KCNT2: variants seen among roughly 807,000 people sequenced by gnomAD.
The protein encoded by KCNT2 is potassium channel subfamily T member 2.
In KCNT2, 67 loss-of-function variants were observed where a neutral mutation model predicts 153.8. That is an observed-to-expected ratio of 0.44 (90% CI 0.36 to 0.53). The LOEUF is 0.53. Ranked by LOEUF, KCNT2 falls within the 20% of genes least tolerant of loss-of-function variation. The pLI, the probability that KCNT2 is intolerant of heterozygous loss-of-function variation, is 0.00. For synonymous variants in KCNT2, 500 were observed against 458.8 expected (o/e 1.09, Z -1.15); for missense variants, 975 against 1,354.8 (o/e 0.72, Z 4.40).
rs563927106 is a variant in KCNT2 at position 196,562,716 on chromosome 1, T to A, written c.95+45499A>T. Among the ~76,000 whole-genome samples, 150 of 151,872 alleles carry A rather than the reference T, an allele frequency of 9.9e-4. 1 individual carries two copies. The highest frequency in any genetic ancestry group is 3.6e-3 in the African/African-American group (149 of 41,506). ...TCTGATTTCTTTCTTCTCTTTTTTT[T>A]TTTTCCTGAATTGCTAATTACTCCC... On this transcript the variant is annotated intron_variant, in intron 1 of 27. Coordinates refer to ENST00000294725, the MANE Select transcript of KCNT2 (RefSeq NM_198503.5).
Position 196,282,325 on chromosome 1 carries a change from G to A in KCNT2, c.2729C>T (p.Thr910Met), listed in dbSNP as rs778812768. The A allele has an allele frequency of 1.0e-5, 16 of 1,599,024 alleles. No homozygotes were observed. The highest frequency in any genetic ancestry group is 2.6e-6 in the Non-Finnish European group (3 of 1,167,142). The change falls in exon 24 of 28, where the codon ACG (threonine) becomes ATG (methionine). Residue 910 changes from threonine to methionine, a missense_variant. Physicochemically the swap from Thr to Met is moderately conservative, Grantham distance 81. Around this residue, in one of 6 missense-constraint regions of KCNT2, gnomAD observed 241 missense variants for 271.1 expected, o/e 0.89. Transcript: ENST00000294725. ...SFVKDYMISI[T>M]RLLLGLDTTP... ...AGTGTCCAGTCCCAACAGAAGTCTC[G>A]TGATAGAAATCATATAATCCTTCAC... is the stretch of plus-strand genomic sequence containing the variant.
chr1:196,238,961 T>C (rs973595120), intron 26 of KCNT2, among the ~76,000 whole-genome samples: 1 of 151,994 alleles, frequency 6.6e-6, no homozygotes, highest in Non-Finnish European at 1.5e-5. Context: ...TCATTCTCTA[T>C]GGTTGTTTTC....
intron 8 of KCNT2, among the ~76,000 whole-genome samples, chr1:196,447,456 G>T (rs1675787959): frequency 6.6e-6 from 1 of 151,606 alleles, no homozygotes; most frequent in Non-Finnish European, 1.5e-5. Flanking sequence ...AAAGAAAGCT[G>T]TGGTGAGGAA....
At chr1:196,475,673 T>C (rs1233020416) in intron 5 of KCNT2, among the ~76,000 whole-genome samples, 1 of 152,110 alleles carries the variant, frequency 6.6e-6, no homozygotes, top group Admixed American at 6.6e-5. Context: ...ACATGCTTTA[T>C]TTAGAGACCA....
intron 1 of KCNT2, among the ~76,000 whole-genome samples, chr1:196,566,992 A>T (rs986472370): frequency 6.6e-6 from 1 of 152,150 alleles, no homozygotes; most frequent in Admixed American, 6.5e-5. Flanking sequence ...TATAAACTCA[A>T]ATATGTACTA....
intron 5 of KCNT2, among the ~76,000 whole-genome samples, chr1:196,477,497 T>C (rs1364991796): frequency 6.6e-6 from 1 of 151,920 alleles, no homozygotes; most frequent in Non-Finnish European, 1.5e-5. Flanking sequence ...GTAGGGAGAA[T>C]TGCTTGAACC....
intron 25 of KCNT2, among the ~76,000 whole-genome samples, chr1:196,277,421 G>A (rs374325865): frequency 2.0e-5 from 3 of 152,202 alleles, no homozygotes; most frequent in East Asian, 1.9e-4. Context: ...AGTGTAAAGC[G>A]TACAGAATGT....
intron 13 of KCNT2, among the ~76,000 whole-genome samples, chr1:196,392,733 T>A (rs1670594992): frequency 6.6e-6 from 1 of 151,450 alleles, no homozygotes; most frequent in South Asian, 2.1e-4. Context: ...CTTCATTTTC[T>A]GGTCAAATCA....
chr1:196,284,898 G>T (rs1386127761), intron 23 of KCNT2, among the ~76,000 whole-genome samples: 3 of 152,136 alleles, frequency 2.0e-5, no homozygotes, highest in Admixed American at 2.0e-4. Flanking sequence ...TAAGCAAAAA[G>T]AATAGGTACA....
At chr1:196,461,225 C>T (rs1388339996) in intron 8 of KCNT2, among the ~76,000 whole-genome samples, 2 of 151,604 alleles carry the variant, frequency 1.3e-5, no homozygotes, top group South Asian at 2.1e-4. Flanking sequence ...AGGTTTTAAT[C>T]GATGCATAGG....
At chr1:196,368,680 C>T (rs1668244636) in intron 14 of KCNT2, among the ~76,000 whole-genome samples, 1 of 152,064 alleles carries the variant, frequency 6.6e-6, no homozygotes, top group African/African-American at 2.4e-5. Flanking sequence ...TTTTATTATG[C>T]TATACTATAT....
In KCNT2 at chr1:196,397,221, A is replaced by C. The variant is rs532842643; in HGVS notation, c.1294+1342T>G. On this transcript the variant is annotated intron_variant, in intron 13 of 27. Transcript: ENST00000294725. Reference sequence around the variant, plus strand: ...AGTGTTAATGTCATTACTGCCATTCAAAAATTTTGTCATAGCAAGTCATCA... The same window carrying C: ...AGTGTTAATGTCATTACTGCCATTCCAAAATTTTGTCATAGCAAGTCATCA... 1.2e-3 allele frequency among the ~76,000 whole-genome samples: 188 copies of C among 151,584 alleles called. 1 individual carries two copies. In the South Asian group the frequency reaches 0.014, roughly 11 times the overall value.
intron 1 of KCNT2, among the ~76,000 whole-genome samples, chr1:196,560,545 A>G (rs1466101001): frequency 6.6e-6 from 1 of 151,880 alleles, no homozygotes; most frequent in Non-Finnish European, 1.5e-5. Context: ...TATCTTTCTT[A>G]AGAACCTGAA....
At chr1:196,360,423 CAG>C (rs2148268126) in intron 14 of KCNT2, among the ~76,000 whole-genome samples, 1 of 152,114 alleles carries the variant, frequency 6.6e-6, no homozygotes, top group South Asian at 2.1e-4. Context: ...GCAACAATAG[CAG>C]TTGGTAAATG....
At chr1:196,344,023 G>A (rs1014960360) in intron 14 of KCNT2, among the ~76,000 whole-genome samples, 5 of 152,086 alleles carry the variant, frequency 3.3e-5, no homozygotes, top group African/African-American at 9.7e-5. Context: ...CAGGCGATCC[G>A]CCCGCCTTGG....
At chr1:196,328,319 T>C (rs1342949812) in intron 18 of KCNT2, among the ~76,000 whole-genome samples, 2 of 150,984 alleles carry the variant, frequency 1.3e-5, no homozygotes, top group Non-Finnish European at 3.0e-5. Context: ...GAAACTAAAA[T>C]GAAAGGCAGA....
At chr1:196,590,719 T>C (rs1299188190) in intron 1 of KCNT2, among the ~76,000 whole-genome samples, 1 of 152,198 alleles carries the variant, frequency 6.6e-6, no homozygotes, top group East Asian at 1.9e-4. Context: ...TAAATTGATA[T>C]TTTCACGTTA....
chr1:196,250,137 A>G (rs1328443100), intron 26 of KCNT2, among the ~76,000 whole-genome samples: 1 of 152,178 alleles, frequency 6.6e-6, no homozygotes, highest in Non-Finnish European at 1.5e-5. Context: ...GACCCAGTAT[A>G]GCTACCCTGA....
chr1:196,327,136 G>A (rs1663940339), intron 18 of KCNT2, among the ~76,000 whole-genome samples: 1 of 152,050 alleles, frequency 6.6e-6, no homozygotes, highest in South Asian at 2.1e-4. Flanking sequence ...AACATTTTGT[G>A]TGTGTGCTTG....
Sources: gnomAD v4.1 joint callset for allele counts (sites outside exome capture counted in the v4.1 genomes callset) on GRCh38, gnomAD v4.1.1 for gene constraint, gnomAD v4.1.1 regional missense constraint, MANE v1.5 for transcripts, NCBI Gene and HGNC (gene_info 2026-07-23, HGNC 2026-07-21) for gene names.